The following LGSN variants were observed in gnomAD, a reference collection of about 807,000 sequenced individuals.
LGSN encodes the protein lengsin.
LGSN carries 21 observed loss-of-function variants against 19.5 expected under a neutral mutation model. The observed-to-expected ratio is 1.07, with a 90% confidence interval of 0.76 to 1.55. LGSN has a LOEUF of 1.55. Ranked by LOEUF, LGSN falls within the 40% of genes most tolerant of loss-of-function variation. The pLI is 0.00. For missense variants in LGSN, 673 were observed against 608.5 expected (o/e 1.11, Z -1.12); for synonymous variants, 257 against 215.6 (o/e 1.19, Z -1.68).
At chr6:63,572,510 G>T in the LGSN span, 1 of 390,676 alleles carries the variant, frequency 2.6e-6, no homozygotes, top group South Asian at 1.3e-4. Flanking sequence ...TCCTTCGGCT[G>T]CGGGCCGGCT....
the LGSN span, among the ~76,000 whole-genome samples, chr6:63,346,649 C>T: frequency 2.0e-5 from 3 of 152,214 alleles, no homozygotes; most frequent in East Asian, 1.9e-4. Context: ...CATAGCCAGC[C>T]GGTCAGAAGT....
intron 1 of LGSN, among the ~76,000 whole-genome samples, chr6:63,310,971 T>G (rs546992793): frequency 6.6e-6 from 1 of 152,328 alleles, no homozygotes; most frequent in Non-Finnish European, 1.5e-5. Flanking sequence ...GTCTCATTCT[T>G]TGGCCCTCTA....
At chr6:63,522,456 A>T in the LGSN span, among the ~76,000 whole-genome samples, 2 of 152,216 alleles carry the variant, frequency 1.3e-5, no homozygotes, top group Non-Finnish European at 2.9e-5. Flanking sequence ...GGTGAAACAG[A>T]CCAAATGCCA....
intron 1 of LGSN, among the ~76,000 whole-genome samples, chr6:63,308,005 T>C (rs540190983): frequency 1.3e-5 from 2 of 152,214 alleles, no homozygotes; most frequent in Admixed American, 6.5e-5. Context: ...AGTCTTCAGA[T>C]AGGCTAACCT....
chr6:63,506,253 GTGT>G, the LGSN span, among the ~76,000 whole-genome samples: 40 of 44,416 alleles, frequency 9.0e-4, no homozygotes, highest in Admixed American at 2.6e-3. Flanking sequence ...GGTGGTGGTG[GTGT>G]TGTTGTTGTT....
the LGSN span, among the ~76,000 whole-genome samples, chr6:63,382,358 A>C: frequency 6.6e-6 from 1 of 152,074 alleles, no homozygotes; most frequent in Non-Finnish European, 1.5e-5. Flanking sequence ...TTAGACTTTC[A>C]CCTCACCTGT....
At chr6:63,509,900 G>T in the LGSN span, among the ~76,000 whole-genome samples, 1 of 152,208 alleles carries the variant, frequency 6.6e-6, no homozygotes, top group Admixed American at 6.5e-5. Context: ...CACTGATAGT[G>T]CCTTGTATGG....
chr6:63,310,677 T>C (rs1768592286), intron 1 of LGSN, among the ~76,000 whole-genome samples: 1 of 152,168 alleles, frequency 6.6e-6, no homozygotes, highest in Non-Finnish European at 1.5e-5. Flanking sequence ...AAGATAAACA[T>C]ATGAATGCGG....
the LGSN span, among the ~76,000 whole-genome samples, chr6:63,533,423 A>C: frequency 6.6e-6 from 1 of 152,330 alleles, no homozygotes; most frequent in African/African-American, 2.4e-5. Context: ...GTCATTAAAA[A>C]TATCTTAATT....
At chr6:63,343,174 T>C in the LGSN span, among the ~76,000 whole-genome samples, 1 of 152,236 alleles carries the variant, frequency 6.6e-6, no homozygotes, top group Non-Finnish European at 1.5e-5. Context: ...AATAAAATAG[T>C]TGAAAGAAAA....
intron 1 of LGSN, among the ~76,000 whole-genome samples, chr6:63,310,475 A>G (rs1473724066): frequency 6.6e-6 from 1 of 152,130 alleles, no homozygotes; most frequent in Non-Finnish European, 1.5e-5. Context: ...AAAACACTGA[A>G]AATCTATTCT....
the LGSN span, among the ~76,000 whole-genome samples, chr6:63,498,889 G>T: frequency 3.3e-5 from 5 of 152,024 alleles, no homozygotes; most frequent in Admixed American, 1.3e-4. Context: ...ACCCGATGGT[G>T]GAAGTATACC....
intron 2 of LGSN, among the ~76,000 whole-genome samples, chr6:63,294,049 C>T (rs1288769091): frequency 2.6e-5 from 4 of 152,048 alleles, no homozygotes; most frequent in Admixed American, 6.6e-5. Context: ...AAAAACAGGC[C>T]AGGTGAGGTG....
the LGSN span, among the ~76,000 whole-genome samples, chr6:63,516,232 T>C: frequency 6.6e-6 from 1 of 152,166 alleles, no homozygotes; most frequent in African/African-American, 2.4e-5. Flanking sequence ...GTCACTAAAT[T>C]TTTTGAATCC....
At chr6:63,320,334 T>C (rs1769040993), upstream of LGSN, among the ~76,000 whole-genome samples, 1 of 152,174 alleles carries the variant, frequency 6.6e-6, no homozygotes, top group Non-Finnish European at 1.5e-5. Flanking sequence ...GACTATGCTA[T>C]CAAAGCCCAC....
chr6:63,418,545 GC>G, the LGSN span, among the ~76,000 whole-genome samples: 1 of 152,072 alleles, frequency 6.6e-6, no homozygotes, highest in East Asian at 1.9e-4. Context: ...TGGCGACAGA[GC>G]GAGACTCCGT....
chr6:63,438,774 AC>A, the LGSN span, among the ~76,000 whole-genome samples: 9 of 152,332 alleles, frequency 5.9e-5, no homozygotes, highest in African/African-American at 2.2e-4. Context: ...AACTAGTTCA[AC>A]CCTTGTGGAA....
chr6:63,431,930 G>C, the LGSN span, among the ~76,000 whole-genome samples: 2 of 151,254 alleles, frequency 1.3e-5, no homozygotes, highest in African/African-American at 4.9e-5. Context: ...GCAAAAATTA[G>C]TTGGGCGTGG....
At chr6:63,341,321 G>A in the LGSN span, among the ~76,000 whole-genome samples, 1 of 152,220 alleles carries the variant, frequency 6.6e-6, no homozygotes, top group African/African-American at 2.4e-5. Flanking sequence ...AGGTGGTATG[G>A]ACTGATCCTC....
Sources: allele counts gnomAD v4.1 joint callset (sites outside exome capture counted in the v4.1 genomes callset), GRCh38; gene constraint gnomAD v4.1.1; transcripts MANE v1.5; gene names NCBI Gene and HGNC (gene_info 2026-07-23, HGNC 2026-07-21).